The following ELOA2 variants were observed in gnomAD, a reference collection of about 807,000 sequenced individuals.
ELOA2 encodes the protein elongin-A2.
For missense variants in ELOA2, 1,271 were observed against 979.7 expected (o/e 1.30, Z -3.97); for synonymous variants, 497 against 398.8 (o/e 1.25, Z -2.94).
chr18:47,033,695 G>A lies in ELOA2; in HGVS notation c.1570C>T (p.Leu524Phe). ...VYSGSRPACQ[L>F]QVPTLRQQCA... is the part of the protein sequence containing the mutation. ...TGCTGGCGCAGCGTCGGCACCTGGA[G>A]CTGGCAGGCAGGCCTGGAGCCCGAG... Residue 524 changes from leucine to phenylalanine, a missense_variant, in exon 1 of 1, where the codon CTC (leucine) becomes TTC (phenylalanine). Leu to Phe is a conservative substitution (Grantham distance 22, BLOSUM62 0). Coordinates refer to ENST00000332567, the MANE Select transcript of ELOA2 (RefSeq NM_016427.3). The A allele has an allele frequency of 6.2e-7, 1 of 1,614,186 alleles. No homozygotes were observed. The highest frequency in any genetic ancestry group is 8.5e-7 in the Non-Finnish European group (1 of 1,180,034).
chr18:47,034,038 A>T lies in ELOA2; in HGVS notation c.1227T>A (p.Asp409Glu). Residue 409 changes from aspartate to glutamate, a missense_variant, in exon 1 of 1, where the codon GAT becomes GAA. Asp to Glu is a conservative substitution (Grantham distance 45). Coordinates refer to ENST00000332567, the MANE Select transcript of ELOA2 (RefSeq NM_016427.3). ...TGGATTCGTTTGCTTTCCTTTGTTT[A>T]TCTCCAAGTGCAGTGGTGGCAGATT... Reference protein sequence around the residue: ...TGKSATTALGDKQRKANESKG... With the variant: ...TGKSATTALGEKQRKANESKG... 1.2e-6 allele frequency: 2 copies of T among 1,614,080 alleles called. No homozygotes were observed. Among genetic ancestry groups the T allele is most frequent in the East Asian group, 2.2e-5 (1 of 44,870 alleles).
rs1281153315 is a variant in ELOA2, at chr18:47,032,628, G to C, written c.*375C>G. ...ATCAGTGTCAACTAATGGCTTGTGT[G>C]TTTTTGTCTAAGAAGTTCTTATCTA... On this transcript the variant is annotated 3_prime_UTR_variant, in exon 1 of 1. Transcript: ENST00000332567. 2 of 310,012 alleles carry C rather than the reference G, an allele frequency of 6.5e-6. No individual in the cohort carries two copies. The highest frequency in any genetic ancestry group is 1.2e-5 in the Non-Finnish European group (2 of 166,862). 19.2% of individuals were successfully genotyped at this position (310,012 alleles called of 1,614,324 possible).
In ELOA2 at chr18:47,033,032, C is replaced by A. The variant is rs768718364; in HGVS notation, c.2233G>T (p.Asp745Tyr). The A allele has an allele frequency of 6.8e-6, 11 of 1,614,022 alleles. No homozygotes were observed. Among genetic ancestry groups the A allele is most frequent in the Non-Finnish European group, 8.5e-6 (10 of 1,180,048 alleles). The stretch of plus-strand genomic sequence containing the variant: ...CGTCGGGAGAATCTTCTCTTGTAGT[C>A]TCGAATTGCCTTGGCCATCAGCGGG... Reference protein sequence around the residue: ...VAPLMAKAIRDYKRRFSRR With the variant: ...VAPLMAKAIRYYKRRFSRR The change falls in exon 1 of 1, where the codon GAC becomes TAC. Residue 745 changes from aspartate to tyrosine, a missense_variant. Coordinates refer to ENST00000332567, the MANE Select transcript of ELOA2 (RefSeq NM_016427.3).
At position 47,034,014 on chromosome 18, in the gene ELOA2, G is replaced by C; in HGVS notation, c.1251C>G (p.Ser417=). Residue 417 remains serine, a synonymous_variant, in exon 1 of 1, where the codon TCC becomes TCG. Transcript: ENST00000332567. The part of the protein sequence containing the change: ...LGDKQRKANE[S]KGTRESWDSA... ...AATCCCAGGACTCACGAGTGCCCTT[G>C]GATTCGTTTGCTTTCCTTTGTTTAT... The C allele has an allele frequency of 6.2e-7, 1 of 1,614,128 alleles. No homozygotes were observed. Among genetic ancestry groups the C allele is most frequent in the Non-Finnish European group, 8.5e-7 (1 of 1,180,038 alleles).
chr18:47,034,779 T>C lies in ELOA2; in HGVS notation c.486A>G (p.Pro162=), dbSNP rs1318139140. 1 of 1,612,434 alleles carries C rather than the reference T, an allele frequency of 6.2e-7. No homozygotes were observed. Among genetic ancestry groups the C allele is most frequent in the Non-Finnish European group, 8.5e-7 (1 of 1,179,696 alleles). The change falls in exon 1 of 1, where the codon CCA becomes CCG. Residue 162 remains proline (P), a synonymous_variant. Transcript: ENST00000332567. ...AGGCCCGATAGCGGCCGGAATCAGCTGGGGCTATTCTGGGGCACTTTCTCT... is the reference window on the plus strand; with the variant it reads ...AGGCCCGATAGCGGCCGGAATCAGCCGGGGCTATTCTGGGGCACTTTCTCT... The part of the protein sequence containing the change: ...RAERKCPRIA[P]ADSGRYRASP...
chr18:47,034,620 G>A lies in ELOA2; in HGVS notation c.645C>T (p.Pro215=). 1 of 1,614,118 alleles carries A rather than the reference G, an allele frequency of 6.2e-7. No individual in the cohort carries two copies. The highest frequency in any genetic ancestry group is 8.5e-7 in the Non-Finnish European group (1 of 1,179,978). Residue 215 remains proline (P), a synonymous_variant, in exon 1 of 1, where the codon CCC becomes CCT. Transcript: ENST00000332567. ...PLLCPGCQGQ[P]QGKAVVSHSK... The stretch of plus-strand genomic sequence containing the variant: ...TGTGGCTCACAACGGCTTTCCCCTG[G>A]GGTTGGCCCTGGCAGCCTGGACACA...
rs777675135 is a variant in ELOA2, at chr18:47,033,885, T to C, written c.1380A>G (p.Ser460=). The change falls in exon 1 of 1, where the codon TCA becomes TCG. Residue 460 remains serine, a synonymous_variant. Coordinates refer to ENST00000332567, the MANE Select transcript of ELOA2 (RefSeq NM_016427.3). ...AGGCCTCTGAGAGGTCCCAGAGCTC[T>C]GAGAAGACATGGCTGGGCACCGTTT... ...GPKTVPSHVF[S]ELWDLSEAWM... 3.4e-5 allele frequency: 55 copies of C among 1,613,582 alleles called. No individual in the cohort carries two copies. The highest frequency in any genetic ancestry group is 4.5e-5 in the East Asian group (2 of 44,882).
Position 47,033,593 on chromosome 18 carries a change from C to T in ELOA2, c.1672G>A (p.Val558Ile), listed in dbSNP as rs778809541. The T allele has an allele frequency of 1.2e-6, 2 of 1,614,080 alleles. No homozygotes were observed. The highest frequency in any genetic ancestry group is 2.2e-5 in the East Asian group (1 of 44,890). The change falls in exon 1 of 1, where the codon GTT (valine) becomes ATT (isoleucine). Residue 558 changes from valine to isoleucine, a missense_variant. By Grantham distance (29) the Val-to-Ile change is conservative. Transcript: ENST00000332567. ...TGATCGGGCCTCCACCCTTCCAGAA[C>T]AGGTTCAAGAACCCAGTAGGGGACC... is the stretch of plus-strand genomic sequence containing the variant. The part of the protein sequence containing the change: ...GEVPYWVLEP[V>I]LEGWRPDQLY...
chr18:47,033,500 A>G lies in ELOA2; in HGVS notation c.1765T>C (p.Cys589Arg). The change falls in exon 1 of 1, where the codon TGT (cysteine) becomes CGT (arginine). Residue 589 changes from cysteine to arginine, a missense_variant. Coordinates refer to ENST00000332567, the MANE Select transcript of ELOA2 (RefSeq NM_016427.3). ...TTTTCTTCCTTGAAGTCCTGGAAAC[A>G]ATGATTCCTCCGTAATTCGTCTGTC... ...RETDELRRNH[C>R]FQDFKEEKPQ... The G allele has an allele frequency of 6.2e-7, 1 of 1,614,156 alleles. No individual in the cohort carries two copies. The highest frequency in any genetic ancestry group is 8.5e-7 in the Non-Finnish European group (1 of 1,180,022).
At position 47,034,426 on chromosome 18, in the gene ELOA2, T is replaced by C; in HGVS notation, c.839A>G (p.Lys280Arg). ...AGCTTGCCCCCCTTCCTTGTCTGTC[T>C]TGAAGTCCGAAGGCTGCCTGTCCCT... Reference protein sequence around the residue: ...SARDRQPSDFKTDKEGGQAGS... With the variant: ...SARDRQPSDFRTDKEGGQAGS... Residue 280 changes from lysine to arginine, a missense_variant, in exon 1 of 1, where the codon AAG becomes AGG. Transcript: ENST00000332567. 6.2e-7 allele frequency: 1 copy of C among 1,614,100 alleles called. No homozygotes were observed. Among genetic ancestry groups the C allele is most frequent in the South Asian group, 1.1e-5 (1 of 91,086 alleles).
chr18:47,034,635 G>T lies in ELOA2; in HGVS notation c.630C>A (p.Gly210=). ...AAQGGPLLCP[G]CQGQPQGKAV... ...CTTTCCCCTGGGGTTGGCCCTGGCAGCCTGGACACAGCAGAGGCCCGCCCT... is the reference window on the plus strand; with the variant it reads ...CTTTCCCCTGGGGTTGGCCCTGGCATCCTGGACACAGCAGAGGCCCGCCCT... Residue 210 remains glycine, a synonymous_variant, in exon 1 of 1, where the codon GGC becomes GGA. Coordinates refer to ENST00000332567, the MANE Select transcript of ELOA2 (RefSeq NM_016427.3). The T allele has an allele frequency of 6.2e-7, 1 of 1,614,086 alleles. No homozygotes were observed. The highest frequency in any genetic ancestry group is 8.5e-7 in the Non-Finnish European group (1 of 1,179,980).
chr18:47,034,738 G>A lies in ELOA2; in HGVS notation c.527C>T (p.Ala176Val), dbSNP rs1203958226. ...GRYRASPTRT[A>V]PLRMPEGPEP... ...AGGGCCCTCGGGCATCCGGAGGGGA[G>A]CTGTGCGCGTTGGAGAGGCCCGATA... Residue 176 changes from alanine (A) to valine (V), a missense_variant, in exon 1 of 1, where the codon GCT (alanine) becomes GTT (valine). Coordinates refer to ENST00000332567, the MANE Select transcript of ELOA2 (RefSeq NM_016427.3). The A allele has an allele frequency of 5.0e-6, 8 of 1,612,854 alleles. No individual in the cohort carries two copies. Among genetic ancestry groups the A allele is most frequent in the Admixed American group, 1.7e-5 (1 of 59,990 alleles).
Position 47,032,885 on chromosome 18 carries a change from T to C in ELOA2, c.*118A>G. On this transcript the variant is annotated 3_prime_UTR_variant, in exon 1 of 1. Coordinates refer to ENST00000332567, the MANE Select transcript of ELOA2 (RefSeq NM_016427.3). ...CATGACACCTGCAGAATTCAAAGGC[T>C]CAACTTTGCACCAAGTTAAAGGTTC... The C allele has an allele frequency of 1.3e-6, 2 of 1,579,108 alleles. No individual in the cohort carries two copies. The highest frequency in any genetic ancestry group is 1.7e-6 in the Non-Finnish European group (2 of 1,161,382).
At position 47,033,420 on chromosome 18, in the gene ELOA2, T is replaced by C. The variant is rs762763635; in HGVS notation, c.1845A>G (p.Pro615=). The part of the protein sequence containing the change: ...REQYLRLPDA[P]EQRLRVMTTN... ...TTGTCATTACTCTCAGCCGCTGCTC[T>C]GGGGCGTCCGGAAGCCGCAGGTACT... Residue 615 remains proline, a synonymous_variant, in exon 1 of 1, where the codon CCA becomes CCG. Coordinates refer to ENST00000332567, the MANE Select transcript of ELOA2 (RefSeq NM_016427.3). The C allele has an allele frequency of 6.2e-7, 1 of 1,613,602 alleles. No individual in the cohort carries two copies. Among genetic ancestry groups the C allele is most frequent in the South Asian group, 1.1e-5 (1 of 91,080 alleles).
Position 47,034,297 on chromosome 18 carries a change from C to G in ELOA2, c.968G>C (p.Arg323Pro). 1 of 1,613,554 alleles carries G rather than the reference C, an allele frequency of 6.2e-7. No individual in the cohort carries two copies. Among genetic ancestry groups the G allele is most frequent in the South Asian group, 1.1e-5 (1 of 91,080 alleles). Residue 323 changes from arginine to proline, a missense_variant, in exon 1 of 1, where the codon CGG (arginine) becomes CCG (proline). By Grantham distance (103) the Arg-to-Pro change is moderately radical (BLOSUM62 -2). Transcript: ENST00000332567. ...SNKKRPSLDGRDPGNGTHGLS... is the reference protein window; with the variant it reads ...SNKKRPSLDGPDPGNGTHGLS... ...GCCGTGTGTCCCATTTCCTGGGTCC[C>G]GGCCGTCTAGACTGGGCCTCTTCTT...
At position 47,034,668 on chromosome 18, in the gene ELOA2, G is replaced by T. The variant is rs1370301857; in HGVS notation, c.597C>A (p.His199Gln). The change falls in exon 1 of 1, where the codon CAC (histidine) becomes CAA (glutamine). Residue 199 changes from histidine (H) to glutamine (Q), a missense_variant. Coordinates refer to ENST00000332567, the MANE Select transcript of ELOA2 (RefSeq NM_016427.3). ...ACAGCAGAGGCCCGCCCTGAGCCGCGTGAGTGTGGCCTCTTCCGGGTTGCT... is the reference window on the plus strand; with the variant it reads ...ACAGCAGAGGCCCGCCCTGAGCCGCTTGAGTGTGGCCTCTTCCGGGTTGCT... ...PGKQPGRGHT[H>Q]AAQGGPLLCP... is the part of the protein sequence containing the mutation. 1.9e-6 allele frequency: 3 copies of T among 1,613,486 alleles called. No individual in the cohort carries two copies. Among genetic ancestry groups the T allele is most frequent in the Non-Finnish European group, 2.5e-6 (3 of 1,179,956 alleles).
rs1333535418 is a variant in ELOA2 at position 47,034,702 on chromosome 18, GCAGCGGGCT to G, written c.554_562del (p.Glu185_Ala187del). 6.2e-7 allele frequency: 1 copy of G among 1,612,798 alleles called. No homozygotes were observed. The highest frequency in any genetic ancestry group is 8.5e-7 in the Non-Finnish European group (1 of 1,179,872). On this transcript the variant is annotated inframe_deletion, in exon 1 of 1. Coordinates refer to ENST00000332567, the MANE Select transcript of ELOA2 (RefSeq NM_016427.3). ...GCCTCTTCCGGGTTGCTTCCCGGGC[GCAGCGGGCT>G]CAGGGCCCTCGGGCATCCGGAGGGG...
rs779475417 is a variant in ELOA2, at chr18:47,033,365, G to T, written c.1900C>A (p.Pro634Thr). The stretch of plus-strand genomic sequence containing the variant: ...ATCATCTTTGCCTCTCTGCCGTTGG[G>T]GTTGTTTCCACGTGCAGATCGGATA... ...TNIRSARGNN[P>T]NGREAKMICF... Residue 634 changes from proline (P) to threonine (T), a missense_variant, in exon 1 of 1, where the codon CCC (proline) becomes ACC (threonine). Transcript: ENST00000332567. 4.3e-6 allele frequency: 7 copies of T among 1,614,152 alleles called. No individual in the cohort carries two copies. The highest frequency in any genetic ancestry group is 1.7e-5 in the Admixed American group (1 of 60,024).
At position 47,035,081 on chromosome 18, in the gene ELOA2, C is replaced by G. The variant is rs1446111248; in HGVS notation, c.184G>C (p.Val62Leu). 1.2e-6 allele frequency: 2 copies of G among 1,610,992 alleles called. No homozygotes were observed. The highest frequency in any genetic ancestry group is 3.3e-5 in the Admixed American group (2 of 59,810). ...GCTAAGTCTCTGGCAAAGTCGCCCA[C>G]GTGCTGGTGCTTCCGCAGGCGCTTC... ...TVKRLRKHQH[V>L]GDFARDLAAR... The change falls in exon 1 of 1, where the codon GTG becomes CTG. Residue 62 changes from valine to leucine, a missense_variant. By Grantham distance (32) the Val-to-Leu change is conservative. Coordinates refer to ENST00000332567, the MANE Select transcript of ELOA2 (RefSeq NM_016427.3).
Sources: gnomAD v4.1 joint callset for allele counts on GRCh38, gnomAD v4.1.1 for gene constraint, MANE v1.5 for transcripts, NCBI Gene and HGNC (gene_info 2026-07-23, HGNC 2026-07-21) for gene names.